The following ATAD2B variants were observed in gnomAD, a reference collection of about 807,000 sequenced individuals.
The protein encoded by ATAD2B is ATPase family AAA domain-containing protein 2B.
ATAD2B carries 40 observed loss-of-function variants against 167.6 expected under a neutral mutation model. That is an observed-to-expected ratio of 0.24 (90% CI 0.19 to 0.31). ATAD2B has a LOEUF of 0.31. ATAD2B is among the 10% of genes least tolerant of loss of function. The pLI, the probability that ATAD2B is intolerant of heterozygous loss-of-function variation, is 1.00. For missense variants in ATAD2B, 1,242 were observed against 1,757.2 expected (o/e 0.71, Z 5.24); for synonymous variants, 579 against 596.5 (o/e 0.97, Z 0.43).
At chr2:23,682,146 C>T in the ATAD2B span, among the ~76,000 whole-genome samples, 11 of 152,288 alleles carry the variant, frequency 7.2e-5, no homozygotes, top group Middle Eastern at 3.4e-3. This position sits in a 1 kb window ranked among gnomAD's most constrained non-coding sequence, Gnocchi z 4.1. Context: ...CTGAGCCCCA[C>T]GGGGTCCACA....
At chr2:23,688,254 G>A in the ATAD2B span, among the ~76,000 whole-genome samples, 1 of 152,250 alleles carries the variant, frequency 6.6e-6, no homozygotes, top group South Asian at 2.1e-4. Context: ...GTGTCCTGCA[G>A]CTGATGACAC....
At chr2:23,769,168 C>T (rs1341891630) in intron 22 of ATAD2B, among the ~76,000 whole-genome samples, 1 of 152,078 alleles carries the variant, frequency 6.6e-6, no homozygotes, top group Admixed American at 6.6e-5. Context: ...TGGCCGAGCA[C>T]GGGGGCTCAC....
Position 23,886,936 on chromosome 2 carries a change from A to AAAAAAC in ATAD2B, c.572+895_572+896insGTTTTT, listed in dbSNP as rs959859481. 9.3e-5 allele frequency among the ~76,000 whole-genome samples: 14 copies of AAAAAAC among 149,984 alleles called. No homozygotes were observed. The East Asian group carries it at 2.2e-3, about 24-fold the overall frequency. On this transcript the variant is annotated intron_variant, in intron 4 of 27. Transcript: ENST00000238789. ...ACAGAGCGAGACTCCATCTCAAAAA[A>AAAAAAC]AAAAAAAGGGAAAAAGAAATACATG... is the stretch of plus-strand genomic sequence containing the variant.
In ATAD2B at chr2:23,762,194, A is replaced by T. The variant is rs1325189875; in HGVS notation, c.3394+15T>A. Reference sequence around the variant, plus strand: ...GTTGTTCTCACTACTGGATAACATGAGCTGAAATACTCACATGCACATTTA... The same window carrying T: ...GTTGTTCTCACTACTGGATAACATGTGCTGAAATACTCACATGCACATTTA... On this transcript the variant is annotated intron_variant, in intron 24 of 27. Transcript: ENST00000238789. 6.2e-7 allele frequency: 1 copy of T among 1,612,560 alleles called. No homozygotes were observed. Among genetic ancestry groups the T allele is most frequent in the East Asian group, 2.2e-5 (1 of 44,802 alleles).
At chr2:23,788,324 C>T (rs1553385496) in intron 20 of ATAD2B, 188 bp downstream of exon 20, 2 of 587,548 alleles carry the variant, frequency 3.4e-6, no homozygotes, top group Non-Finnish European at 5.8e-6. Context: ...AAAGCTTTAA[C>T]AAGGCTATAC....
chr2:23,819,756 T>C lies in ATAD2B; in HGVS notation c.2258A>G (p.His753Arg). ...SSAAIHKPYL[H>R]FTMSPYHQPT... ...GATATAAATCACTCACATTGTAAAA[T>C]GAAGGTAGGGTTTATGTATAGCAGC... Residue 753 changes from histidine (H) to arginine (R), a missense_variant, in exon 17 of 28, where the codon CAT becomes CGT. His to Arg is a conservative substitution (Grantham distance 29, BLOSUM62 0). Transcript: ENST00000238789. 3 of 1,597,354 alleles carry C rather than the reference T, an allele frequency of 1.9e-6. No individual in the cohort carries two copies. Among genetic ancestry groups the C allele is most frequent in the South Asian group, 1.1e-5 (1 of 87,484 alleles).
intron 1 of ATAD2B, among the ~76,000 whole-genome samples, chr2:23,907,519 A>G (rs1386816636): frequency 6.6e-6 from 1 of 152,208 alleles, no homozygotes; most frequent in Non-Finnish European, 1.5e-5. Flanking sequence ...GGAAGAATCA[A>G]TATCATGAAA....
At chr2:23,816,379 C>T (rs929383284) in intron 17 of ATAD2B, among the ~76,000 whole-genome samples, 4 of 152,110 alleles carry the variant, frequency 2.6e-5, no homozygotes, top group African/African-American at 9.7e-5. Context: ...AAAGAAGAAA[C>T]TTGAAAACTT....
intron 4 of ATAD2B, 76 bp from the exon 5 acceptor site, chr2:23,885,905 A>C: frequency 1.2e-6 from 1 of 854,504 alleles, no homozygotes; most frequent in East Asian, 2.8e-5. Flanking sequence ...GTGAAAGTGT[A>C]ATCAAATCAT....
In ATAD2B at chr2:23,875,922, G is replaced by C. The variant is rs892941906; in HGVS notation, c.902-18C>G. The C allele has an allele frequency of 6.6e-7, 1 of 1,523,190 alleles. No homozygotes were observed. Among genetic ancestry groups the C allele is most frequent in the Non-Finnish European group, 9.0e-7 (1 of 1,108,292 alleles). 94.4% of individuals were successfully genotyped at this position (1,523,190 alleles called of 1,614,324 possible). On this transcript the variant is annotated intron_variant, in intron 7 of 27. Transcript: ENST00000238789. ...AGCTGGTACTAAAAGGGAAGAAAAG[G>C]ATAATAGAGAAATAACTAATAAATT...
At chr2:23,810,291 G>A in intron 18 of ATAD2B, 25 bp downstream of exon 18, 1 of 1,577,032 alleles carries the variant, frequency 6.3e-7, no homozygotes, top group Non-Finnish European at 8.7e-7. Context: ...AAAGTTGGAA[G>A]TGCTCTGATG....
At chr2:23,914,028 C>T (rs1326318118) in intron 1 of ATAD2B, among the ~76,000 whole-genome samples, 1 of 151,930 alleles carries the variant, frequency 6.6e-6, no homozygotes, top group Non-Finnish European at 1.5e-5. Flanking sequence ...CAACACTTCA[C>T]GAGGCCAGGG....
the ATAD2B span, chr2:23,696,484 C>T: frequency 4.3e-4 from 668 of 1,540,904 alleles, 1 homozygote; most frequent in Non-Finnish European, 5.7e-4. This position sits in a 1 kb window ranked among gnomAD's most constrained non-coding sequence, Gnocchi z 5.5. Flanking sequence ...GGGGACTTGG[C>T]GTGGCAGGCA....
chr2:23,786,607 A>G (rs540445004), intron 20 of ATAD2B, among the ~76,000 whole-genome samples: 2 of 152,246 alleles, frequency 1.3e-5, no homozygotes, highest in East Asian at 3.9e-4. Flanking sequence ...TGAGGCCACC[A>G]TCGTATATGC....
At chr2:23,905,569 C>T (rs1701371944) in intron 1 of ATAD2B, among the ~76,000 whole-genome samples, 2 of 152,066 alleles carry the variant, frequency 1.3e-5, no homozygotes, top group African/African-American at 4.8e-5. Flanking sequence ...TGAAGTTGTA[C>T]AGACAGGACC....
intron 23 of ATAD2B, among the ~76,000 whole-genome samples, chr2:23,762,804 C>T (rs561872156): frequency 2.4e-4 from 36 of 152,158 alleles, no homozygotes; most frequent in Non-Finnish European, 3.1e-4. Flanking sequence ...GCATTATATT[C>T]CTAAGACTAA....
intron 21 of ATAD2B, among the ~76,000 whole-genome samples, chr2:23,783,332 T>C (rs1218693789): frequency 6.6e-6 from 1 of 151,350 alleles, no homozygotes; most frequent in Non-Finnish European, 1.5e-5. Context: ...GAAGATAATG[T>C]ATGGGCAAAA....
the ATAD2B span, among the ~76,000 whole-genome samples, chr2:23,731,449 C>T: frequency 6.6e-6 from 1 of 152,106 alleles, no homozygotes; most frequent in Non-Finnish European, 1.5e-5. Flanking sequence ...AGGAGGATAA[C>T]CAGACTCTAC....
chr2:23,710,295 T>C, the ATAD2B span, among the ~76,000 whole-genome samples: 4 of 152,192 alleles, frequency 2.6e-5, no homozygotes, highest in African/African-American at 9.7e-5. Flanking sequence ...AGAGGAAACG[T>C]TGCCAGTAAA....
Sources: gnomAD v4.1 joint callset for allele counts (sites outside exome capture counted in the v4.1 genomes callset) on GRCh38, gnomAD v4.1.1 for gene constraint, Gnocchi (gnomAD v3.1) non-coding constraint, MANE v1.5 for transcripts, NCBI Gene and HGNC (gene_info 2026-07-23, HGNC 2026-07-21) for gene names.